Variants in SRSF6 observed in about 807,000 individuals in gnomAD.
The protein encoded by SRSF6 is serine and arginine rich splicing factor 6.
In SRSF6, 17 loss-of-function variants were observed where a neutral mutation model predicts 42.0. The observed-to-expected ratio is 0.40, with a 90% confidence interval of 0.28 to 0.61. SRSF6 has a LOEUF of 0.61. Ranked by LOEUF, SRSF6 falls within the 20% of genes least tolerant of loss-of-function variation. SRSF6 has a pLI of 0.37. For synonymous variants in SRSF6, 204 were observed against 166.7 expected (o/e 1.22, Z -1.72); for missense variants, 379 against 471.4 (o/e 0.80, Z 1.81).
rs916421834 is a variant in SRSF6, at chr20:43,462,565, A to G, written c.*1502A>G. ...CTCATTGTGCCACAGGTGTGACTGG[A>G]AAGCATGATATTCTAGGGTTGGTTT... On this transcript the variant is annotated 3_prime_UTR_variant, in exon 6 of 6. Transcript: ENST00000244020. 1.3e-5 allele frequency: 2 copies of G among 152,212 alleles called. No individual in the cohort carries two copies. The highest frequency in any genetic ancestry group is 4.8e-5 in the African/African-American group (2 of 41,462). 9.4% of individuals were successfully genotyped at this position (152,212 alleles called of 1,614,324 possible).
rs756073731 is a variant in SRSF6 at position 43,460,613 on chromosome 20, G to C, written c.674+15G>C. 3 of 1,614,030 alleles carry C rather than the reference G, an allele frequency of 1.9e-6. No homozygotes were observed. The highest frequency in any genetic ancestry group is 2.7e-5 in the African/African-American group (2 of 74,934). Reference sequence around the variant, plus strand: ...AGTCGCTCCCGGTAAATAACGTTGTGTTGAGTCACTGTGAATATTACCGTA... The same window carrying C: ...AGTCGCTCCCGGTAAATAACGTTGTCTTGAGTCACTGTGAATATTACCGTA... On this transcript the variant is annotated intron_variant, in intron 5 of 5. Coordinates refer to ENST00000244020, the MANE Select transcript of SRSF6 (RefSeq NM_006275.6).
chr20:43,459,948 C>A (rs375297451), intron 3 of SRSF6, 53 bp downstream of exon 3: 3 of 1,600,554 alleles, frequency 1.9e-6, no homozygotes, highest in African/African-American at 2.7e-5. Context: ...TTAAAGTAAA[C>A]TCCTTTTATA....
Position 43,461,270 on chromosome 20 carries a change from A to G in SRSF6, c.*207A>G, listed in dbSNP as rs1568901484. The G allele has an allele frequency of 4.4e-6, 2 of 457,230 alleles. No individual in the cohort carries two copies. Among genetic ancestry groups the G allele is most frequent in the African/African-American group, 4.3e-5 (2 of 46,664 alleles). The allele number at this position is 457,230 out of a possible 1,614,324, so 28.3% of individuals were successfully genotyped here. A position where few individuals can be genotyped will look rare whatever the true frequency, so the allele number is the denominator to read the frequency against. On this transcript the variant is annotated 3_prime_UTR_variant, in exon 6 of 6. Transcript: ENST00000244020. ...ACCCTCTCCCTTCTTTGTAGAATTAAGATAACTTTGATTTTATAGCTTTTG... is the reference window on the plus strand; with the variant it reads ...ACCCTCTCCCTTCTTTGTAGAATTAGGATAACTTTGATTTTATAGCTTTTG...
intron 1 of SRSF6, 42 bp downstream of exon 1, chr20:43,458,182 G>A (rs1015609836): frequency 6.3e-7 from 1 of 1,586,400 alleles, no homozygotes; most frequent in Admixed American, 1.7e-5. Flanking sequence ...TCCCAGGCCT[G>A]GTGGCGGCGG....
At position 43,460,610 on chromosome 20, in the gene SRSF6, T is replaced by C. The variant is rs764570076; in HGVS notation, c.674+12T>C. 1.6e-5 allele frequency: 26 copies of C among 1,614,018 alleles called. No individual in the cohort carries two copies. Among genetic ancestry groups the C allele is most frequent in the Non-Finnish European group, 2.0e-5 (24 of 1,179,984 alleles). On this transcript the variant is annotated intron_variant, in intron 5 of 5. Coordinates refer to ENST00000244020, the MANE Select transcript of SRSF6 (RefSeq NM_006275.6). ...AAAAGTCGCTCCCGGTAAATAACGTTGTGTTGAGTCACTGTGAATATTACC... is the reference window on the plus strand; with the variant it reads ...AAAAGTCGCTCCCGGTAAATAACGTCGTGTTGAGTCACTGTGAATATTACC...
In SRSF6 at chr20:43,462,933, G is replaced by A. The variant is rs937662625; in HGVS notation, c.*1870G>A. 1 of 152,662 alleles carries A rather than the reference G, an allele frequency of 6.6e-6. No individual in the cohort carries two copies. The highest frequency in any genetic ancestry group is 1.5e-5 in the Non-Finnish European group (1 of 68,034). 9.5% of individuals were successfully genotyped at this position (152,662 alleles called of 1,614,324 possible). On this transcript the variant is annotated 3_prime_UTR_variant, in exon 6 of 6. Coordinates refer to ENST00000244020, the MANE Select transcript of SRSF6 (RefSeq NM_006275.6). Reference sequence around the variant, plus strand: ...TCATTGTTTTGCCTACTCAGCAGAAGTGATGACTCTTAAAAATTGGCTTTG... The same window carrying A: ...TCATTGTTTTGCCTACTCAGCAGAAATGATGACTCTTAAAAATTGGCTTTG...
In SRSF6 at chr20:43,458,431, C is replaced by G; in HGVS notation, c.178C>G (p.Leu60Val). Residue 60 changes from leucine to valine, a missense_variant, in exon 2 of 6, where the codon CTC becomes GTC. Coordinates refer to ENST00000244020, the MANE Select transcript of SRSF6 (RefSeq NM_006275.6). The part of the protein sequence containing the change: ...DAVYELNGKE[L>V]CGERVIVEHA... ...CGTTTACGAGCTGAACGGCAAGGAG[C>G]TCTGCGGCGAGCGCGTGATCGTAGA... is the stretch of plus-strand genomic sequence containing the variant. 2 of 1,543,602 alleles carry G rather than the reference C, an allele frequency of 1.3e-6. No homozygotes were observed. The highest frequency in any genetic ancestry group is 1.7e-6 in the Non-Finnish European group (2 of 1,149,146).
At position 43,460,814 on chromosome 20, in the gene SRSF6, A is replaced by G; in HGVS notation, c.786A>G (p.Arg262=). 1 of 1,614,180 alleles carries G rather than the reference A, an allele frequency of 6.2e-7. No individual in the cohort carries two copies. Among genetic ancestry groups the G allele is most frequent in the South Asian group, 1.1e-5 (1 of 91,084 alleles). ...KSDRGSHSHS[R]SRSKDEYEKS... is the part of the protein sequence containing the mutation. The stretch of plus-strand genomic sequence containing the variant: ...ATCGGGGCTCCCATTCACATTCTCG[A>G]AGCAGATCTAAGGATGAGTATGAGA... Residue 262 remains arginine, a synonymous_variant, in exon 6 of 6, where the codon CGA becomes CGG. Transcript: ENST00000244020.
chr20:43,460,313 A>C, intron 4 of SRSF6, 72 bp downstream of exon 4: 1 of 1,522,304 alleles, frequency 6.6e-7, no homozygotes, highest in Non-Finnish European at 9.0e-7. Flanking sequence ...GAGTGATGTC[A>C]ATTGTTGCCT....
rs771348920 is a variant in SRSF6, at chr20:43,460,607, CGTT to C, written c.674+12_674+14del. The C allele has an allele frequency of 1.1e-5, 17 of 1,613,982 alleles. No homozygotes were observed. Among genetic ancestry groups the C allele is most frequent in the South Asian group, 6.6e-5 (6 of 91,090 alleles). On this transcript the variant is annotated intron_variant, in intron 5 of 5. Transcript: ENST00000244020. Reference sequence around the variant, plus strand: ...TCAAAAAGTCGCTCCCGGTAAATAACGTTGTGTTGAGTCACTGTGAATATTACC... The same window carrying C: ...TCAAAAAGTCGCTCCCGGTAAATAACGTGTTGAGTCACTGTGAATATTACC...
In SRSF6 at chr20:43,458,029, C is replaced by T; in HGVS notation, c.-5C>T. 1 of 1,609,640 alleles carries T rather than the reference C, an allele frequency of 6.2e-7. No homozygotes were observed. Among genetic ancestry groups the T allele is most frequent in the Non-Finnish European group, 8.5e-7 (1 of 1,178,080 alleles). On this transcript the variant is annotated 5_prime_UTR_variant, in exon 1 of 6. In the 5' UTR this introduces an upstream ATG that the reference lacks. Coordinates refer to ENST00000244020, the MANE Select transcript of SRSF6 (RefSeq NM_006275.6). ...CCAGCCCTTGGGTCCCCGCCCGCCACGGACATGCCGCGCGTCTACATAGGA... is the reference window on the plus strand; with the variant it reads ...CCAGCCCTTGGGTCCCCGCCCGCCATGGACATGCCGCGCGTCTACATAGGA...
chr20:43,461,334 G>GTGTTT lies in SRSF6; in HGVS notation c.*272_*273insGTTTT, dbSNP rs2017587369. On this transcript the variant is annotated 3_prime_UTR_variant, in exon 6 of 6. Transcript: ENST00000244020. ...TTTGTAAAGATTAAGCTCATTTAGT[G>GTGTTT]TTGTTTTTTTTTTTTTTTTTTTTTT... 4 of 56,458 alleles carry GTGTTT rather than the reference G, an allele frequency of 7.1e-5. No homozygotes were observed. Among genetic ancestry groups the GTGTTT allele is most frequent in the African/African-American group, 3.0e-4 (4 of 13,540 alleles). 3.5% of individuals were successfully genotyped at this position (56,458 alleles called of 1,614,324 possible).
At chr20:43,459,064 A>G in intron 2 of SRSF6, 2 of 1,226,968 alleles carry the variant, frequency 1.6e-6, no homozygotes, top group South Asian at 2.5e-5. Context: ...GGTTGGGGGG[A>G]TTTTTGGTTA....
rs373392436 is a variant in SRSF6 at position 43,457,995 on chromosome 20, G to T, written c.-39G>T. 2.6e-4 allele frequency: 399 copies of T among 1,560,382 alleles called. No homozygotes were observed. The African/African-American group carries it at 4.8e-3, about 19-fold the overall frequency. ...CGCGGTTACTGGCTTGCGGTCCGCCGTTCGACAACCAGCCCTTGGGTCCCC... is the reference window on the plus strand; with the variant it reads ...CGCGGTTACTGGCTTGCGGTCCGCCTTTCGACAACCAGCCCTTGGGTCCCC... On this transcript the variant is annotated 5_prime_UTR_variant, in exon 1 of 6. Coordinates refer to ENST00000244020, the MANE Select transcript of SRSF6 (RefSeq NM_006275.6).
chr20:43,463,018 T>A lies in SRSF6; in HGVS notation c.*1955T>A, dbSNP rs2017629817. ...AAAGCTTTTTGAACTACAGCCTTTT[T>A]AAAAGAGGGATGGGAGGATATTACA... On this transcript the variant is annotated 3_prime_UTR_variant, in exon 6 of 6. Coordinates refer to ENST00000244020, the MANE Select transcript of SRSF6 (RefSeq NM_006275.6). The A allele has an allele frequency of 6.6e-6, 1 of 152,410 alleles. No homozygotes were observed. Among genetic ancestry groups the A allele is most frequent in the Admixed American group, 6.6e-5 (1 of 15,266 alleles). The allele number at this position is 152,410 out of a possible 1,614,324, so 9.4% of individuals were successfully genotyped here.
chr20:43,459,121 T>C, intron 2 of SRSF6: 1 of 1,349,844 alleles, frequency 7.4e-7, no homozygotes, highest in Non-Finnish European at 9.8e-7. Context: ...ATTCAAACTT[T>C]TTAACAAGTC....
In SRSF6 at chr20:43,462,803, T is replaced by G. The variant is rs923208954; in HGVS notation, c.*1740T>G. The G allele has an allele frequency of 1.3e-5, 2 of 152,534 alleles. No homozygotes were observed. The highest frequency in any genetic ancestry group is 6.5e-5 in the Admixed American group (1 of 15,284). The allele number at this position is 152,534 out of a possible 1,614,324, so 9.4% of individuals were successfully genotyped here. ...GCGGATGCTTCTTCCATTATCTTATTTTCTTTGATACTTTATTTAATTAGA... is the reference window on the plus strand; with the variant it reads ...GCGGATGCTTCTTCCATTATCTTATGTTCTTTGATACTTTATTTAATTAGA... On this transcript the variant is annotated 3_prime_UTR_variant, in exon 6 of 6. Transcript: ENST00000244020.
At position 43,460,867 on chromosome 20, in the gene SRSF6, C is replaced by T; in HGVS notation, c.839C>T (p.Ser280Phe). The change falls in exon 6 of 6, where the codon TCC becomes TTC. Residue 280 changes from serine (S) to phenylalanine (F), a missense_variant. By Grantham distance (155) the Ser-to-Phe change is radical. Around this residue, in one of 3 missense-constraint regions of SRSF6, gnomAD observed 219 missense variants for 216.1 expected, o/e 1.01. Transcript: ENST00000244020. ...TCTCGAAGCAGGTCTCGGTCCCGAT[C>T]CCCTAAAGAAAATGGAAAGGGTGAT... ...EKSRSRSRSR[S>F]PKENGKGDIK... 6.2e-7 allele frequency: 1 copy of T among 1,614,110 alleles called. No individual in the cohort carries two copies. The highest frequency in any genetic ancestry group is 8.5e-7 in the Non-Finnish European group (1 of 1,180,020).
At position 43,458,141 on chromosome 20, in the gene SRSF6, G is replaced by A; in HGVS notation, c.107+1G>A. Reference sequence around the variant, plus strand: ...TCCTCGAAGTAGACCTCAAAAATGGGTGAGTCGGGCCTGGGCGCCCGCGCC... The same window carrying A: ...TCCTCGAAGTAGACCTCAAAAATGGATGAGTCGGGCCTGGGCGCCCGCGCC... On this transcript the variant is annotated splice_donor_variant, in intron 1 of 5. Transcript: ENST00000244020. LOFTEE classifies it high-confidence loss of function. The A allele has an allele frequency of 6.2e-7, 1 of 1,612,390 alleles. No individual in the cohort carries two copies. Among genetic ancestry groups the A allele is most frequent in the Non-Finnish European group, 8.5e-7 (1 of 1,179,176 alleles).
Sources: gnomAD v4.1 joint callset for allele counts on GRCh38, gnomAD v4.1.1 for gene constraint, gnomAD v4.1.1 regional missense constraint, MANE v1.5 for transcripts, NCBI Gene and HGNC (gene_info 2026-07-23, HGNC 2026-07-21) for gene names.